SPDYE10: variants seen among roughly 807,000 people sequenced by gnomAD.
The protein encoded by SPDYE10 is speedy protein E10.
the SPDYE10 span, among the ~76,000 whole-genome samples, chr7:73,149,368 A>G: frequency 7.1e-6 from 1 of 140,226 alleles, no homozygotes; most frequent in African/African-American, 2.7e-5. Context: ...GCTCACTGCA[A>G]GCTCCACCTC....
chr7:73,113,966 C>T, the SPDYE10 span, among the ~76,000 whole-genome samples: 4 of 150,354 alleles, frequency 2.7e-5, no homozygotes, highest in South Asian at 2.1e-4. Context: ...GCGGCACTTG[C>T]AGTGAGCCAA....
At chr7:73,127,247 A>T in the SPDYE10 span, among the ~76,000 whole-genome samples, 34 of 63,092 alleles carry the variant, frequency 5.4e-4, no homozygotes, top group Non-Finnish European at 8.0e-4. Flanking sequence ...CAACCTCAGG[A>T]TGGAAATCTT....
the SPDYE10 span, among the ~76,000 whole-genome samples, chr7:73,149,345 T>C: frequency 7.4e-6 from 1 of 135,400 alleles, no homozygotes; most frequent in Non-Finnish European, 1.6e-5. Context: ...TGGAGTGCAG[T>C]GGCGCAATCT....
the SPDYE10 span, among the ~76,000 whole-genome samples, chr7:73,154,738 G>A: frequency 6.6e-6 from 1 of 150,472 alleles, no homozygotes; most frequent in Non-Finnish European, 1.5e-5. Context: ...TCCTGAGGGT[G>A]CCCGCGCTCC....
the SPDYE10 span, among the ~76,000 whole-genome samples, chr7:73,135,320 C>A: frequency 1.3e-5 from 2 of 151,784 alleles, no homozygotes; most frequent in Admixed American, 1.3e-4. Flanking sequence ...TCCTTTCCTC[C>A]TTCATAAGTC....
chr7:73,139,339 TG>T, the SPDYE10 span, among the ~76,000 whole-genome samples: 2 of 47,418 alleles, frequency 4.2e-5, no homozygotes, highest in Admixed American at 2.2e-4. Flanking sequence ...TTTTTTTTTT[TG>T]AAATGGAGTC....
chr7:73,111,767 T>C, the SPDYE10 span, among the ~76,000 whole-genome samples: 1 of 7,066 alleles, frequency 1.4e-4, no homozygotes, highest in Non-Finnish European at 4.1e-4. Flanking sequence ...TTTTTTTTTT[T>C]TTTTTTTTTT....
the SPDYE10 span, among the ~76,000 whole-genome samples, chr7:73,121,137 C>T: frequency 6.6e-6 from 1 of 151,822 alleles, no homozygotes; most frequent in Admixed American, 6.5e-5. Flanking sequence ...TTACTGAGCA[C>T]CTGCTATCTA....
chr7:73,113,908 C>G, the SPDYE10 span, among the ~76,000 whole-genome samples: 3 of 151,946 alleles, frequency 2.0e-5, no homozygotes, highest in African/African-American at 7.3e-5. Context: ...CACCTGTATT[C>G]CCAGCTACTC....
the SPDYE10 span, among the ~76,000 whole-genome samples, chr7:73,113,805 G>T: frequency 1.3e-5 from 2 of 152,120 alleles, no homozygotes; most frequent in South Asian, 2.1e-4. Context: ...GGAGGCCAAG[G>T]AGGGTGGATC....
chr7:73,154,931 T>C, the SPDYE10 span: 1 of 151,168 alleles, frequency 6.6e-6, no homozygotes, highest in Non-Finnish European at 1.5e-5. Context: ...GGCAAGTTGT[T>C]TGTTACAGCG....
At chr7:73,134,565 G>GAAAGAAAGAAAGAAAGAAAGAAAGAA in the SPDYE10 span, among the ~76,000 whole-genome samples, 6 of 152,126 alleles carry the variant, frequency 3.9e-5, no homozygotes, top group East Asian at 3.9e-4. Flanking sequence ...AAGAAAGAAA[G>GAAAGAAAGAAAGAAAGAAAGAAAGAA]AAACCGTGCA....
At chr7:73,124,214 A>G in the SPDYE10 span, among the ~76,000 whole-genome samples, 2 of 132,120 alleles carry the variant, frequency 1.5e-5, no homozygotes, top group African/African-American at 5.7e-5. Flanking sequence ...AAACTCAGAA[A>G]TGGTGTGGGA....
At chr7:73,142,678 T>G in the SPDYE10 span, among the ~76,000 whole-genome samples, 12 of 152,174 alleles carry the variant, frequency 7.9e-5, no homozygotes. Context: ...GGCTGATGCC[T>G]GTAATCCCAG....
the SPDYE10 span, among the ~76,000 whole-genome samples, chr7:73,123,788 C>CCTCTCTCTCCCTCTCTCTCTCTCT: frequency 5.1e-5 from 5 of 97,454 alleles, no homozygotes; most frequent in African/African-American, 2.5e-4. Flanking sequence ...TCTCTCTCTC[C>CCTCTCTCTCCCTCTCTCTCTCTCT]CTCTCTCTCT....
chr7:73,155,237 C>T, the SPDYE10 span: 1 of 332,184 alleles, frequency 3.0e-6, no homozygotes. Flanking sequence ...GACGATGGAA[C>T]TCCACATCCT....
the SPDYE10 span, among the ~76,000 whole-genome samples, chr7:73,150,908 ATATAT>A: frequency 1.6e-3 from 15 of 9,184 alleles, no homozygotes; most frequent in Admixed American, 2.6e-3. Context: ...AAAAAAAAAA[ATATAT>A]ATATATATAT....
the SPDYE10 span, among the ~76,000 whole-genome samples, chr7:73,122,972 C>A: frequency 6.6e-6 from 1 of 152,232 alleles, no homozygotes; most frequent in Non-Finnish European, 1.5e-5. Context: ...AAGGGGGGAT[C>A]CAGGTCCAAT....
chr7:73,131,171 A>G, the SPDYE10 span, among the ~76,000 whole-genome samples: 4 of 132,814 alleles, frequency 3.0e-5, no homozygotes, highest in South Asian at 1.0e-3. Context: ...CCGCACCTCC[A>G]ACCTGGGTGA....
Sources: gnomAD v4.1 joint callset for allele counts (sites outside exome capture counted in the v4.1 genomes callset) on GRCh38, gnomAD v4.1.1 for gene constraint, MANE v1.5 for transcripts, NCBI Gene and HGNC (gene_info 2026-07-23, HGNC 2026-07-21) for gene names.